FOXN3: variants seen among roughly 807,000 people sequenced by gnomAD.
FOXN3 encodes the protein forkhead box N3.
FOXN3 carries 7 observed loss-of-function variants against 38.4 expected under a neutral mutation model. The observed-to-expected ratio is 0.18, with a 90% CI of 0.10 to 0.34. The LOEUF (loss-of-function observed/expected upper bound fraction) is 0.34, where lower values mean the gene tolerates loss of function less well. FOXN3 is among the 10% of genes least tolerant of loss of function. The pLI is 1.00. For synonymous variants in FOXN3, 230 were observed against 242.2 expected (o/e 0.95, Z 0.47); for missense variants, 456 against 613.4 (o/e 0.74, Z 2.71).
intron 2 of FOXN3, among the ~76,000 whole-genome samples, chr14:89,390,295 C>CTT (rs1890906274): frequency 1.5e-5 from 2 of 132,290 alleles, no homozygotes; most frequent in African/African-American, 5.6e-5. Context: ...CGTTCTCTTT[C>CTT]TCTCTCTCTC....
Position 89,576,506 on chromosome 14 carries a change from G to A in FOXN3, c.-15+42522C>T, listed in dbSNP as rs544098856. The A allele has an allele frequency of 3.4e-5, 5 of 148,740 alleles. No individual in the cohort carries two copies. The South Asian group carries it at 8.4e-4, about 25-fold the overall frequency. The allele number at this position is 148,740 out of a possible 1,614,324, so 9.2% of individuals were successfully genotyped here. Reference sequence around the variant, plus strand: ...ATCTGAATGTTAAGCTTTAGCAAATGTATCACCTTTGTCAGAAATGCTGTT... The same window carrying A: ...ATCTGAATGTTAAGCTTTAGCAAATATATCACCTTTGTCAGAAATGCTGTT... On this transcript the variant is annotated intron_variant, in intron 1 of 6. Transcript: ENST00000345097.
At chr14:89,324,071 C>T (rs915345351) in intron 3 of FOXN3, among the ~76,000 whole-genome samples, 1 of 152,112 alleles carries the variant, frequency 6.6e-6, no homozygotes, top group Non-Finnish European at 1.5e-5. Flanking sequence ...TCTAAGCCAC[C>T]ACCATGTGAT....
In FOXN3 at chr14:89,162,902, C is replaced by T. The variant is rs1887143604; in HGVS notation, c.919G>A (p.Gly307Arg). The T allele has an allele frequency of 1.9e-6, 3 of 1,601,318 alleles. No homozygotes were observed. The highest frequency in any genetic ancestry group is 2.2e-5 in the East Asian group (1 of 44,604). The change falls in exon 6 of 6, where the codon GGA (glycine) becomes AGA (arginine). Residue 307 changes from glycine to arginine, a missense_variant. Transcript: ENST00000557258. The surrounding 1 kb of genome is among the most constrained non-coding windows in gnomAD (Gnocchi z 7.2). ...EPSCGSPVVS[G>R]DPKEDHNYSS... ...TAGTTGTGATCCTCCTTGGGGTCTC[C>T]GCTGACCACTGGGGAGCCACAAGAT...
intron 1 of FOXN3, among the ~76,000 whole-genome samples, chr14:89,428,426 T>C (rs1261176990): frequency 6.6e-6 from 1 of 152,108 alleles, no homozygotes; most frequent in African/African-American, 2.4e-5. Context: ...TGCATGTGAG[T>C]ACTCAATCTT....
At chr14:89,280,255 T>C (rs1450893742) in intron 4 of FOXN3, among the ~76,000 whole-genome samples, 1 of 152,248 alleles carries the variant, frequency 6.6e-6, no homozygotes, top group Non-Finnish European at 1.5e-5. Context: ...TTTGCTATTT[T>C]TTAAATCATT....
intron 4 of FOXN3, among the ~76,000 whole-genome samples, chr14:89,260,126 A>C (rs1231369334): frequency 6.6e-6 from 1 of 152,206 alleles, no homozygotes; most frequent in Non-Finnish European, 1.5e-5. Flanking sequence ...AACAACACGT[A>C]ATGATTTTTA....
chr14:89,313,657 G>A (rs1406143663), intron 3 of FOXN3, among the ~76,000 whole-genome samples: 2 of 146,966 alleles, frequency 1.4e-5, no homozygotes, highest in Non-Finnish European at 1.5e-5. Context: ...AGTTTGTGTG[G>A]GTAAAGTCAC....
intron 1 of FOXN3, among the ~76,000 whole-genome samples, chr14:89,609,554 CCAA>C (rs1896349423): frequency 6.6e-6 from 1 of 152,148 alleles, no homozygotes; most frequent in Non-Finnish European, 1.5e-5. Flanking sequence ...TTTAGCCCTC[CCAA>C]TAATCCTTTC....
intron 1 of FOXN3, among the ~76,000 whole-genome samples, chr14:89,432,466 G>C (rs1443182329): frequency 1.3e-5 from 2 of 152,170 alleles, no homozygotes; most frequent in Admixed American, 1.3e-4. Context: ...CTGCAGGCCA[G>C]GCACCGTGCC....
intron 1 of FOXN3, among the ~76,000 whole-genome samples, chr14:89,501,324 G>A (rs1319684555): frequency 1.3e-5 from 2 of 152,138 alleles, no homozygotes; most frequent in Non-Finnish European, 2.9e-5. Context: ...ATAAAAATAC[G>A]TTTGTTGGTT....
intron 1 of FOXN3, among the ~76,000 whole-genome samples, chr14:89,432,629 T>G (rs982645929): frequency 2.8e-4 from 43 of 152,288 alleles, no homozygotes; most frequent in African/African-American, 1.0e-3. Context: ...CATGTCCCTC[T>G]GGCCTGCACA....
At chr14:89,490,973 A>G (rs1193547015) in intron 1 of FOXN3, among the ~76,000 whole-genome samples, 3 of 152,118 alleles carry the variant, frequency 2.0e-5, no homozygotes, top group African/African-American at 7.2e-5. Context: ...TACACTCCTA[A>G]TCATTTTTGT....
intron 5 of FOXN3, 131 bp downstream of exon 5, chr14:89,180,570 G>T: frequency 1.8e-6 from 1 of 558,160 alleles, no homozygotes; most frequent in Non-Finnish European, 3.0e-6. Flanking sequence ...ACATTTCTGA[G>T]CACGCAAACC....
chr14:89,180,777 G>A lies in FOXN3; in HGVS notation c.775C>T (p.Arg259Trp), dbSNP rs145640730. ...VPPGVIQNGA[R>W]VLSRGLFPGV... ...GGAAACAGCCCTCGGCTCAGGACCCGCGCTCCATTTTGGATCACTCCTGGA... is the reference window on the plus strand; with the variant it reads ...GGAAACAGCCCTCGGCTCAGGACCCACGCTCCATTTTGGATCACTCCTGGA... The change falls in exon 5 of 6, where the codon CGG (arginine) becomes TGG (tryptophan). Residue 259 changes from arginine (R) to tryptophan (W), a missense_variant. By Grantham distance (101) the Arg-to-Trp change is moderately radical. Around this residue, in one of 3 missense-constraint regions of FOXN3, gnomAD observed 386 missense variants for 505.2 expected, o/e 0.76. Transcript: ENST00000557258. 2.4e-5 allele frequency: 39 copies of A among 1,612,058 alleles called. No homozygotes were observed. In the African/African-American group the frequency reaches 3.1e-4, roughly 13 times the overall value.
chr14:89,168,703 A>G (rs1337639856), intron 5 of FOXN3, among the ~76,000 whole-genome samples: 1 of 152,242 alleles, frequency 6.6e-6, no homozygotes, highest in Non-Finnish European at 1.5e-5. Context: ...ATACTTGAAT[A>G]GAAAATGGCT....
chr14:89,443,164 C>A (rs1892421980), intron 1 of FOXN3, among the ~76,000 whole-genome samples: 1 of 152,190 alleles, frequency 6.6e-6, no homozygotes, highest in Admixed American at 6.5e-5. Flanking sequence ...CAGGACTAGT[C>A]ATGAGTGGTA....
chr14:89,379,343 G>A (rs17125792), intron 2 of FOXN3, among the ~76,000 whole-genome samples: 2 of 152,268 alleles, frequency 1.3e-5, no homozygotes, highest in African/African-American at 4.8e-5. Context: ...ATTCTAGACC[G>A]TGGTTTCTCA....
intron 4 of FOXN3, among the ~76,000 whole-genome samples, chr14:89,248,828 T>C (rs895127635): frequency 6.6e-6 from 1 of 152,238 alleles, no homozygotes; most frequent in African/African-American, 2.4e-5. Context: ...TTTAAAGCCA[T>C]TCTAATGGTT....
chr14:89,247,053 T>C (rs1885320277), intron 4 of FOXN3, among the ~76,000 whole-genome samples: 1 of 152,082 alleles, frequency 6.6e-6, no homozygotes, highest in African/African-American at 2.4e-5. Context: ...CAATAGTCAG[T>C]CTGTTGATCC....
Sources: allele counts gnomAD v4.1 joint callset (sites outside exome capture counted in the v4.1 genomes callset), GRCh38; gene constraint gnomAD v4.1.1; regional missense constraint gnomAD v4.1.1; non-coding constraint Gnocchi (gnomAD v3.1); transcripts MANE v1.5; gene names NCBI Gene and HGNC (gene_info 2026-07-23, HGNC 2026-07-21).